The following MCM4 variants were observed in gnomAD, a reference collection of about 807,000 sequenced individuals.
MCM4 encodes the protein minichromosome maintenance complex component 4.
In MCM4, 60 loss-of-function variants were observed where a neutral mutation model predicts 88.7. That is an observed-to-expected ratio of 0.68 (90% CI 0.55 to 0.84). MCM4 has a LOEUF of 0.84. Among genes scored for constraint, MCM4 ranks in the 40% least tolerant of loss-of-function variants. The pLI, the probability that MCM4 is intolerant of heterozygous loss-of-function variation, is 0.00. For missense variants in MCM4, 1,149 were observed against 1,105.5 expected, an observed-to-expected ratio of 1.04 and a Z score of -0.56; for synonymous variants, 465 against 410.5, an observed-to-expected ratio of 1.13 and a Z score of -1.61.
Position 47,976,919 on chromosome 8 carries a change from G to T in MCM4, c.*141G>T. 7.1e-6 allele frequency: 4 copies of T among 566,364 alleles called. No individual in the cohort carries two copies. The highest frequency in any genetic ancestry group is 2.9e-5 in the East Asian group (1 of 34,382). The allele number at this position is 566,364 out of a possible 1,614,324, so 35.1% of individuals were successfully genotyped here. ...GCTGCATAAAAATTTTCTAACTTGGGTTCAATATTTGTAGTGAAGTATCTG... is the reference window on the plus strand; with the variant it reads ...GCTGCATAAAAATTTTCTAACTTGGTTTCAATATTTGTAGTGAAGTATCTG... On this transcript the variant is annotated 3_prime_UTR_variant, in exon 17 of 17. Coordinates refer to ENST00000649973, the MANE Select transcript of MCM4 (RefSeq NM_182746.3).
In MCM4 at chr8:47,969,904, A is replaced by G. The variant is rs758616204; in HGVS notation, c.1281A>G (p.Lys427=). ...TTCATTATCGGAAAACGGATGCAAA[A>G]CGTCTGCATGGCCTTGATGAAGAAG... ...DVIHYRKTDA[K]RLHGLDEEAE... is the part of the protein sequence containing the mutation. Residue 427 remains lysine, a synonymous_variant, in exon 11 of 17, where the codon AAA becomes AAG. Coordinates refer to ENST00000649973, the MANE Select transcript of MCM4 (RefSeq NM_182746.3). 2.2e-5 allele frequency: 36 copies of G among 1,614,112 alleles called. No homozygotes were observed. Among genetic ancestry groups the G allele is most frequent in the Non-Finnish European group, 3.0e-5 (35 of 1,180,058 alleles).
intron 13 of MCM4, 108 bp from the exon 14 acceptor site, chr8:47,972,749 G>T: frequency 1.3e-6 from 1 of 764,714 alleles, no homozygotes; most frequent in Non-Finnish European, 2.1e-6. Context: ...TAGAGACAAG[G>T]TTTCACCGTG....
chr8:47,972,101 G>A (rs193146144), intron 13 of MCM4, among the ~76,000 whole-genome samples: 1 of 151,832 alleles, frequency 6.6e-6, no homozygotes, highest in African/African-American at 2.4e-5. Flanking sequence ...GCGTGGCGGC[G>A]CATGCCTGTA....
At position 47,966,234 on chromosome 8, in the gene MCM4, C is replaced by T; in HGVS notation, c.880C>T (p.Gln294Ter). The T allele has an allele frequency of 1.2e-6, 2 of 1,614,086 alleles. No homozygotes were observed. Among genetic ancestry groups the T allele is most frequent in the Non-Finnish European group, 1.7e-6 (2 of 1,180,016 alleles). The change falls in exon 9 of 17, where the codon CAG (glutamine) becomes TAG (stop). Residue 294 changes from glutamine (Q) to a stop codon, truncating the protein, a stop_gained. Coordinates refer to ENST00000649973, the MANE Select transcript of MCM4 (RefSeq NM_182746.3). LOFTEE classifies it high-confidence loss of function. ...TISGMVIRTS[Q>*]LIPEMQEAFF... ...CAGCGGCATGGTGATCAGGACATCC[C>T]AGCTGATTCCCGAGATGCAGGAGGC...
At chr8:47,971,575 T>C in intron 13 of MCM4, 107 bp downstream of exon 13, 3 of 1,168,966 alleles carry the variant, frequency 2.6e-6, no homozygotes, top group Non-Finnish European at 3.6e-6. Context: ...TTCACTCTTA[T>C]CAAGATGTTT....
chr8:47,969,858 A>G lies in MCM4; in HGVS notation c.1235A>G (p.Tyr412Cys). Residue 412 changes from tyrosine to cysteine, a missense_variant, in exon 11 of 17, where the codon TAC (tyrosine) becomes TGC (cysteine). Physicochemically the swap from Tyr to Cys is radical, Grantham distance 194. Transcript: ENST00000649973. The stretch of plus-strand genomic sequence containing the variant: ...AGAGTGAGTAATGTGAAGTCTGTCT[A>G]CAAAACCCACATTGATGTCATTCAT... ...NPRVSNVKSVYKTHIDVIHYR... is the reference protein window; with the variant it reads ...NPRVSNVKSVCKTHIDVIHYR... 6.2e-7 allele frequency: 1 copy of G among 1,614,234 alleles called. No homozygotes were observed. Among genetic ancestry groups the G allele is most frequent in the African/African-American group, 1.3e-5 (1 of 75,060 alleles).
In MCM4 at chr8:47,961,684, C is replaced by T. The variant is rs749639468; in HGVS notation, c.235+4C>T. On this transcript the variant is annotated splice_donor_region_variant and intron_variant, in intron 3 of 16. Transcript: ENST00000649973. ...CCTCCCCAAATGCATTCTTCAGGTG[C>T]GTGTCTGAAGATCTTGGTTTTGCTG... is the stretch of plus-strand genomic sequence containing the variant. 19 of 1,600,280 alleles carry T rather than the reference C, an allele frequency of 1.2e-5. No homozygotes were observed. The highest frequency in any genetic ancestry group is 1.5e-5 in the Non-Finnish European group (17 of 1,171,862).
chr8:47,974,689 C>A, intron 14 of MCM4, 45 bp from the exon 15 acceptor site: 1 of 1,501,526 alleles, frequency 6.7e-7, no homozygotes, highest in South Asian at 1.1e-5. Flanking sequence ...CTAAAGTTGT[C>A]ACCAAGGAGG....
Position 47,966,346 on chromosome 8 carries a change from G to A in MCM4, c.992G>A (p.Cys331Tyr). The A allele has an allele frequency of 6.2e-7, 1 of 1,613,956 alleles. No homozygotes were observed. The highest frequency in any genetic ancestry group is 1.1e-5 in the South Asian group (1 of 91,070). ...GCAGAGCCCAGTGTGTGCGGGCGCTGCCACACCACCCACAGCATGGCACTC... is the reference window on the plus strand; with the variant it reads ...GCAGAGCCCAGTGTGTGCGGGCGCTACCACACCACCCACAGCATGGCACTC... ...RIAEPSVCGR[C>Y]HTTHSMALIH... The change falls in exon 9 of 17, where the codon TGC becomes TAC. Residue 331 changes from cysteine (C) to tyrosine (Y), a missense_variant. This residue lies in a region of MCM4 where 906 missense variants were observed against 843.0 expected (regional missense o/e 1.07). Coordinates refer to ENST00000649973, the MANE Select transcript of MCM4 (RefSeq NM_182746.3).
At chr8:47,961,878 G>A in intron 3 of MCM4, 175 bp from the exon 4 acceptor site, 1 of 893,764 alleles carries the variant, frequency 1.1e-6, no homozygotes, top group Non-Finnish European at 1.7e-6. Context: ...AGAGGAAGCA[G>A]CTTCTCTGGT....
chr8:47,969,675 C>A, intron 10 of MCM4, 123 bp from the exon 11 acceptor site: 1 of 947,014 alleles, frequency 1.1e-6, no homozygotes, highest in African/African-American at 1.6e-5. Context: ...GGAGCTCACC[C>A]TTTCCAGGGC....
intron 7 of MCM4, among the ~76,000 whole-genome samples, chr8:47,963,598 A>G (rs17334346): frequency 6.8e-4 from 103 of 152,246 alleles, no homozygotes; most frequent in Non-Finnish European, 1.2e-3. Flanking sequence ...AAAATGATGA[A>G]TCTTAAAACT....
At chr8:47,970,969 G>A in intron 12 of MCM4, 93 bp downstream of exon 12, 3 of 1,448,100 alleles carry the variant, frequency 2.1e-6, no homozygotes, top group South Asian at 2.8e-5. Flanking sequence ...TGCTACCTTG[G>A]TTCTAACTTG....
In MCM4 at chr8:47,962,291, G is replaced by A; in HGVS notation, c.400-14G>A. On this transcript the variant is annotated splice_polypyrimidine_tract_variant and intron_variant, in intron 4 of 16. Coordinates refer to ENST00000649973, the MANE Select transcript of MCM4 (RefSeq NM_182746.3). ...AACTCTGTTTTCATGATTCTGTCAT[G>A]TTTTTCTGTGTAGGCAGCAGCAGAA... 6.2e-7 allele frequency: 1 copy of A among 1,614,160 alleles called. No individual in the cohort carries two copies. Among genetic ancestry groups the A allele is most frequent in the Non-Finnish European group, 8.5e-7 (1 of 1,180,022 alleles).
Position 47,974,770 on chromosome 8 carries a change from G to T in MCM4, c.2173G>T (p.Gly725Ter). The change falls in exon 15 of 17, where the codon GGA becomes TGA. Residue 725 changes from glycine to a stop codon, truncating the protein, a stop_gained. Transcript: ENST00000649973. LOFTEE classifies it high-confidence loss of function. The stretch of plus-strand genomic sequence containing the variant: ...CATGAGGAAGATTGGCAGTAGCCGG[G>T]GAATGGTTTCTGCATACCCTCGACA... ...VDMRKIGSSR[G>*]MVSAYPRQLE... 6.2e-7 allele frequency: 1 copy of T among 1,614,214 alleles called. No individual in the cohort carries two copies. The highest frequency in any genetic ancestry group is 8.5e-7 in the Non-Finnish European group (1 of 1,180,044).
At position 47,970,891 on chromosome 8, in the gene MCM4, C is replaced by A; in HGVS notation, c.1800+15C>A. The A allele has an allele frequency of 6.4e-7, 1 of 1,568,134 alleles. No homozygotes were observed. The highest frequency in any genetic ancestry group is 1.2e-5 in the South Asian group (1 of 84,804). ...CCATTGCAAAGGTGAGTCGCCTTCT[C>A]CACCGTGAACATGGACGTGTTTAAA... On this transcript the variant is annotated intron_variant, in intron 12 of 16. Coordinates refer to ENST00000649973, the MANE Select transcript of MCM4 (RefSeq NM_182746.3).
Position 47,974,800 on chromosome 8 carries a change from G to C in MCM4, c.2203G>C (p.Glu735Gln). 4 of 1,614,214 alleles carry C rather than the reference G, an allele frequency of 2.5e-6. No individual in the cohort carries two copies. The Admixed American group carries it at 5.0e-5, about 20-fold the overall frequency. Reference sequence around the variant, plus strand: ...GGTTTCTGCATACCCTCGACAGCTAGAGTCATTAATCCGCTTAGCAGAAGC... The same window carrying C: ...GGTTTCTGCATACCCTCGACAGCTACAGTCATTAATCCGCTTAGCAGAAGC... ...GMVSAYPRQL[E>Q]SLIRLAEAHA... Residue 735 changes from glutamate to glutamine, a missense_variant, in exon 15 of 17, where the codon GAG becomes CAG. Around this residue, in one of 3 missense-constraint regions of MCM4, gnomAD observed 238 missense variants for 241.6 expected, o/e 0.99. Coordinates refer to ENST00000649973, the MANE Select transcript of MCM4 (RefSeq NM_182746.3).
chr8:47,974,621 C>G (rs2090985157), intron 14 of MCM4, 113 bp from the exon 15 acceptor site: 2 of 799,240 alleles, frequency 2.5e-6, no homozygotes, highest in East Asian at 2.4e-5. Context: ...GGCCCAGGAC[C>G]ATATCTGAGT....
intron 12 of MCM4, 111 bp downstream of exon 12, chr8:47,970,987 T>G: frequency 2.3e-6 from 3 of 1,280,520 alleles, no homozygotes; most frequent in Non-Finnish European, 3.2e-6. Flanking sequence ...TTGGGGAGAT[T>G]GATAAGTGCT....
Sources: gnomAD v4.1 joint callset for allele counts (sites outside exome capture counted in the v4.1 genomes callset) on GRCh38, gnomAD v4.1.1 for gene constraint, gnomAD v4.1.1 regional missense constraint, MANE v1.5 for transcripts, NCBI Gene and HGNC (gene_info 2026-07-23, HGNC 2026-07-21) for gene names.